Variants in ANKRD18A observed in about 807,000 individuals in gnomAD.
ANKRD18A encodes ankyrin repeat domain-containing protein 18A.
In ANKRD18A, 72 loss-of-function variants were observed where a neutral mutation model predicts 110.6. The ratio of observed to expected loss-of-function variants is 0.65; its 90% confidence interval spans 0.54 to 0.79. ANKRD18A has a LOEUF of 0.79. ANKRD18A is among the 30% of genes least tolerant of loss of function. The probability of loss-of-function intolerance (pLI) is 0.00; values close to 1 mark genes in which losing one functional copy is unlikely to be tolerated. For missense variants in ANKRD18A, 934 were observed against 1,163.3 expected, an observed-to-expected ratio of 0.80 and a Z score of 2.87; for synonymous variants, 305 against 410.3, an observed-to-expected ratio of 0.74 and a Z score of 3.10.
Position 38,572,000 on chromosome 9 carries a change from G to C in ANKRD18A, c.*45C>G, listed in dbSNP as rs1446138142. 6.3e-7 allele frequency: 1 copy of C among 1,578,508 alleles called. No individual in the cohort carries two copies. Among genetic ancestry groups the C allele is most frequent in the Non-Finnish European group, 8.6e-7 (1 of 1,168,792 alleles). ...ATGGTTAATCTCTTCATTAGATGTGGCTTACCAGTGGATTCTACAAAAGAA... is the reference window on the plus strand; with the variant it reads ...ATGGTTAATCTCTTCATTAGATGTGCCTTACCAGTGGATTCTACAAAAGAA... On this transcript the variant is annotated 3_prime_UTR_variant, in exon 16 of 16. Coordinates refer to ENST00000399703, the MANE Select transcript of ANKRD18A (RefSeq NM_147195.4).
intron 12 of ANKRD18A, among the ~76,000 whole-genome samples, chr9:38,581,794 T>G (rs1824177329): frequency 6.6e-6 from 1 of 152,152 alleles, no homozygotes; most frequent in African/African-American, 2.4e-5. Context: ...ACTAATCTAC[T>G]ATTTGTCTCT....
chr9:38,582,195 A>G (rs534996121), intron 12 of ANKRD18A, among the ~76,000 whole-genome samples: 173 of 151,880 alleles, frequency 1.1e-3, no homozygotes, highest in African/African-American at 4.0e-3. Context: ...ACTAAATAGT[A>G]GACTATTTCA....
At chr9:38,574,966 C>T (rs1280102697) in intron 15 of ANKRD18A, among the ~76,000 whole-genome samples, 2 of 151,822 alleles carry the variant, frequency 1.3e-5, no homozygotes, top group Admixed American at 1.3e-4. Context: ...TGGTGGCAGA[C>T]ACCTGTAGTC....
At chr9:38,604,873 T>C (rs543328964) in intron 6 of ANKRD18A, 1 of 155,846 alleles carries the variant, frequency 6.4e-6, no homozygotes, top group South Asian at 2.1e-4. Context: ...CTTTTGAACT[T>C]GCTCCTTGTG....
chr9:38,574,153 A>G (rs1823778810), intron 15 of ANKRD18A, among the ~76,000 whole-genome samples: 1 of 152,142 alleles, frequency 6.6e-6, no homozygotes, highest in Non-Finnish European at 1.5e-5. Context: ...AGCAAACAAG[A>G]TATTTGGTTT....
At chr9:38,612,468 G>T (rs1825663247) in intron 3 of ANKRD18A, among the ~76,000 whole-genome samples, 2 of 150,628 alleles carry the variant, frequency 1.3e-5, no homozygotes, top group Admixed American at 6.6e-5. Context: ...GATGTATAGG[G>T]CTTGTTTCTA....
intron 6 of ANKRD18A, among the ~76,000 whole-genome samples, chr9:38,605,347 G>A (rs1016609360): frequency 6.6e-6 from 1 of 152,096 alleles, no homozygotes; most frequent in East Asian, 1.9e-4. Flanking sequence ...AAATTAAATA[G>A]TTATCTATAT....
At chr9:38,575,781 C>A in intron 14 of ANKRD18A, 83 bp from the exon 15 acceptor site, 1 of 1,409,554 alleles carries the variant, frequency 7.1e-7, no homozygotes, top group Non-Finnish European at 9.5e-7. Flanking sequence ...TAAAAAGTTG[C>A]CCTGAGAGTA....
intron 11 of ANKRD18A, 106 bp downstream of exon 11, chr9:38,588,445 G>T: frequency 4.8e-5 from 33 of 686,946 alleles, no homozygotes; most frequent in Non-Finnish European, 6.0e-5. Context: ...ATTTAATTAT[G>T]AAAATGAAGA....
chr9:38,569,753 C>T (rs376890428), downstream of ANKRD18A, among the ~76,000 whole-genome samples: 1 of 152,258 alleles, frequency 6.6e-6, no homozygotes, highest in Admixed American at 6.5e-5. Context: ...ATCACTGTCA[C>T]CACCAGGGCC....
At chr9:38,599,432 T>G (rs1387784393) in intron 8 of ANKRD18A, among the ~76,000 whole-genome samples, 4 of 152,124 alleles carry the variant, frequency 2.6e-5, no homozygotes, top group African/African-American at 9.7e-5. Context: ...TTTTCAAAAC[T>G]TTCACCAATC....
rs1022161090 is a variant in ANKRD18A, at chr9:38,620,531, G to C, written c.-246C>G. ...CTCGCAGACTCCGACCTCTCAGACC[G>C]AGTGAGCCCAGCTAAGCCGTTAGGC... On this transcript the variant is annotated 5_prime_UTR_variant, in exon 1 of 16. Transcript: ENST00000399703. The C allele has an allele frequency of 3.6e-5, 49 of 1,368,896 alleles. No individual in the cohort carries two copies. Among genetic ancestry groups the C allele is most frequent in the South Asian group, 6.7e-5 (4 of 59,900 alleles). 84.8% of individuals were successfully genotyped at this position (1,368,896 alleles called of 1,614,324 possible).
chr9:38,582,158 T>A (rs1258922912), intron 12 of ANKRD18A, among the ~76,000 whole-genome samples: 2 of 152,150 alleles, frequency 1.3e-5, no homozygotes, highest in East Asian at 3.9e-4. Context: ...ATTCTATGAA[T>A]TATAATGAGT....
chr9:38,619,986 G>C, intron 1 of ANKRD18A, 94 bp downstream of exon 1: 1 of 1,449,968 alleles, frequency 6.9e-7, no homozygotes, highest in South Asian at 1.4e-5. Flanking sequence ...GAGGGTGCCC[G>C]GCGCCCTCCA....
intron 4 of ANKRD18A, 64 bp from the exon 5 acceptor site, chr9:38,610,474 G>A (rs1157560440): frequency 6.7e-7 from 1 of 1,495,918 alleles, no homozygotes; most frequent in Non-Finnish European, 8.9e-7. Flanking sequence ...TAGCAAATTG[G>A]ATACACTTTA....
Position 38,593,880 on chromosome 9 carries a change from C to G in ANKRD18A, c.1884G>C (p.Leu628=), listed in dbSNP as rs1215664597. ...EVIVREFQEE[L]VDHLKTFSIS... The stretch of plus-strand genomic sequence containing the variant: ...TTGAAAATGTTTTAAGGTGATCGAC[C>G]AGTTCTTCTTGAAATTCTCTCACAA... The change falls in exon 10 of 16, where the codon CTG becomes CTC. Residue 628 remains leucine, a synonymous_variant. Transcript: ENST00000399703. The G allele has an allele frequency of 6.7e-6, 10 of 1,499,778 alleles. No homozygotes were observed. In the Admixed American group the frequency reaches 2.4e-4, roughly 36 times the overall value. The allele number at this position is 1,499,778 out of a possible 1,614,324, so 92.9% of individuals were successfully genotyped here.
Position 38,620,153 on chromosome 9 carries a change from C to G in ANKRD18A, c.133G>C (p.Gly45Arg). ...CAGCGCTCCACCTCCGCGGCGTCGC[C>G]CTTGATGGCAGCCCTGTGGATCTTC... The part of the protein sequence containing the change: ...LRKIHRAAIK[G>R]DAAEVERCLT... Residue 45 changes from glycine (G) to arginine (R), a missense_variant, in exon 1 of 16, where the codon GGC (glycine) becomes CGC (arginine). Gly to Arg is a moderately radical substitution (Grantham distance 125). This residue lies in a region of ANKRD18A where 630 missense variants were observed against 797.5 expected (regional missense o/e 0.79). Coordinates refer to ENST00000399703, the MANE Select transcript of ANKRD18A (RefSeq NM_147195.4). 6.4e-7 allele frequency: 1 copy of G among 1,569,418 alleles called. No homozygotes were observed. The highest frequency in any genetic ancestry group is 8.6e-7 in the Non-Finnish European group (1 of 1,157,246).
intron 6 of ANKRD18A, among the ~76,000 whole-genome samples, chr9:38,606,021 C>T (rs1342602184): frequency 6.6e-6 from 1 of 152,152 alleles, no homozygotes; most frequent in Non-Finnish European, 1.5e-5. Context: ...GAGGTTCCAA[C>T]TTATGGTGAA....
intron 1 of ANKRD18A, among the ~76,000 whole-genome samples, chr9:38,619,341 C>T (rs916455760): frequency 6.6e-6 from 1 of 152,116 alleles, no homozygotes; most frequent in Non-Finnish European, 1.5e-5. Context: ...TCATCTGAAA[C>T]GTTACCATTA....
Sources: gnomAD v4.1 joint callset for allele counts (sites outside exome capture counted in the v4.1 genomes callset) on GRCh38, gnomAD v4.1.1 for gene constraint, gnomAD v4.1.1 regional missense constraint, MANE v1.5 for transcripts, NCBI Gene and HGNC (gene_info 2026-07-23, HGNC 2026-07-21) for gene names.